MRAS: variants seen among roughly 807,000 people sequenced by gnomAD.
MRAS encodes muscle RAS oncogene homolog, also known as ras-related protein M-Ras.
Under a neutral mutation model 20.9 loss-of-function variants are expected in MRAS, and 4 were observed. The ratio of observed to expected loss-of-function variants is 0.19; its 90% CI spans 0.09 to 0.44. The LOEUF (loss-of-function observed/expected upper bound fraction) is 0.44, where lower values mean the gene tolerates loss of function less well. Among genes scored for constraint, MRAS ranks in the 20% least tolerant of loss-of-function variants. The pLI, the probability that MRAS is intolerant of heterozygous loss-of-function variation, is 0.99. For synonymous variants in MRAS, 98 were observed against 102.9 expected (o/e 0.95, Z 0.29); for missense variants, 154 against 277.5 (o/e 0.56, Z 3.16).
chr3:138,357,612 TTGA>T (rs2054362140), intron 1 of MRAS, among the ~76,000 whole-genome samples: 1 of 152,258 alleles, frequency 6.6e-6, no homozygotes, highest in Non-Finnish European at 1.5e-5. Context: ...TGCCCAAGTA[TTGA>T]TGACAGCCCT....
intron 1 of MRAS, among the ~76,000 whole-genome samples, chr3:138,356,379 A>AT (rs1292633580): frequency 6.6e-6 from 1 of 152,190 alleles, no homozygotes; most frequent in Non-Finnish European, 1.5e-5. Flanking sequence ...TCTCAAAAGC[A>AT]TTATGTATTC....
At chr3:138,368,676 A>C (rs2054614144) in intron 1 of MRAS, among the ~76,000 whole-genome samples, 2 of 152,174 alleles carry the variant, frequency 1.3e-5, no homozygotes, top group Admixed American at 6.5e-5. Flanking sequence ...TTAGTTGAGA[A>C]GGCTGGAAAG....
chr3:138,369,210 A>G (rs949536646), intron 1 of MRAS, among the ~76,000 whole-genome samples: 1 of 152,230 alleles, frequency 6.6e-6, no homozygotes, highest in African/African-American at 2.4e-5. Context: ...CCCTGTGCCA[A>G]TGCTGTGCCA....
In MRAS at chr3:138,398,722, A is replaced by G. The variant is rs13083299; in HGVS notation, c.447+154A>G. 24,701 of 202,476 alleles carry G rather than the reference A, an allele frequency of 0.12. 1,755 individuals are homozygous for G. The highest frequency in any genetic ancestry group is 0.15 in the Non-Finnish European group (17,407 of 114,028). 12.5% of individuals were successfully genotyped at this position (202,476 alleles called of 1,614,324 possible). ...GTTGCTACTGAAATCCTGCAATTCC[A>G]GGAATCCAGGTAATGCACATCAGTG... On this transcript the variant is annotated intron_variant, in intron 4 of 5. Transcript: ENST00000423968.
At chr3:138,400,920 T>C (rs909212024) in intron 5 of MRAS, among the ~76,000 whole-genome samples, 8 of 152,164 alleles carry the variant, frequency 5.3e-5, no homozygotes, top group African/African-American at 1.9e-4. Flanking sequence ...CTGGCTTCAG[T>C]GTTCTCCTCA....
intron 2 of MRAS, among the ~76,000 whole-genome samples, chr3:138,382,354 C>G (rs938464533): frequency 6.6e-6 from 1 of 152,248 alleles, no homozygotes; most frequent in Admixed American, 6.5e-5. Context: ...ACCAACCAGA[C>G]TTTTCTTGAA....
chr3:138,384,561 C>G (rs2054971207), intron 2 of MRAS, among the ~76,000 whole-genome samples: 1 of 152,106 alleles, frequency 6.6e-6, no homozygotes, highest in Non-Finnish European at 1.5e-5. Context: ...GAGGGGAAAT[C>G]AAGAGTCTAA....
chr3:138,364,444 CT>C (rs1233839441), intron 1 of MRAS, among the ~76,000 whole-genome samples: 1 of 152,234 alleles, frequency 6.6e-6, no homozygotes, highest in Non-Finnish European at 1.5e-5. Context: ...ACTGTCCCTA[CT>C]TTTACAGAAA....
intron 1 of MRAS, among the ~76,000 whole-genome samples, chr3:138,361,094 G>A (rs1010532859): frequency 1.3e-5 from 2 of 152,224 alleles, no homozygotes; most frequent in African/African-American, 4.8e-5. Context: ...CACCTGGTTG[G>A]CATTCCATAG....
At chr3:138,364,801 T>C (rs532232571) in intron 1 of MRAS, among the ~76,000 whole-genome samples, 18 of 152,234 alleles carry the variant, frequency 1.2e-4, no homozygotes, top group Non-Finnish European at 2.4e-4. Context: ...GTGTTTATTT[T>C]TGGTAACTAG....
At chr3:138,359,002 C>T (rs571466346) in intron 1 of MRAS, among the ~76,000 whole-genome samples, 1 of 152,270 alleles carries the variant, frequency 6.6e-6, no homozygotes, top group African/African-American at 2.4e-5. Flanking sequence ...CAAGGTTATA[C>T]AGCTAGCAGA....
chr3:138,385,044 G>A (rs1315211861), intron 2 of MRAS, among the ~76,000 whole-genome samples: 1 of 152,054 alleles, frequency 6.6e-6, no homozygotes, highest in African/African-American at 2.4e-5. Context: ...AAGTGGTGGA[G>A]AGGAGGAGCA....
chr3:138,357,004 A>G (rs1013484116), intron 1 of MRAS, among the ~76,000 whole-genome samples: 1 of 152,262 alleles, frequency 6.6e-6, no homozygotes, highest in African/African-American at 2.4e-5. Flanking sequence ...CAAAATAAAG[A>G]AACAAAGCCT....
At chr3:138,357,519 A>G (rs2054360039) in intron 1 of MRAS, among the ~76,000 whole-genome samples, 1 of 152,256 alleles carries the variant, frequency 6.6e-6, no homozygotes, top group Non-Finnish European at 1.5e-5. Flanking sequence ...GAAGAGGTAC[A>G]TCCCCCAGTA....
Position 138,404,576 on chromosome 3 carries a change from C to T in MRAS, c.*2307C>T, listed in dbSNP as rs2055422202. On this transcript the variant is annotated 3_prime_UTR_variant, in exon 6 of 6. Coordinates refer to ENST00000423968, the MANE Select transcript of MRAS (RefSeq NM_001085049.3). ...TGGCCCACGTTGAACTCCATGGTGC[C>T]TGAGAGAGACTAGTTAAGGGTTGGT... 1 of 152,224 alleles carries T rather than the reference C, an allele frequency of 6.6e-6. No homozygotes were observed. The highest frequency in any genetic ancestry group is 2.4e-5 in the African/African-American group (1 of 41,422). The allele number at this position is 152,224 out of a possible 1,614,324, so 9.4% of individuals were successfully genotyped here.
At chr3:138,370,056 A>G (rs1046075875) in intron 1 of MRAS, among the ~76,000 whole-genome samples, 1 of 152,216 alleles carries the variant, frequency 6.6e-6, no homozygotes, top group Admixed American at 6.5e-5. Flanking sequence ...ACGGTGGCTC[A>G]TGCCTGTAAT....
chr3:138,379,357 CTTTTTTTTTTTTTTT>C (rs35120152), intron 2 of MRAS, among the ~76,000 whole-genome samples: 1 of 77,598 alleles, frequency 1.3e-5, no homozygotes, highest in Admixed American at 1.8e-4. Context: ...GACAGAATGT[CTTTTTTTTTTTTTTT>C]TTTTTTTTTG....
rs1249928987 is a variant in MRAS, at chr3:138,402,685, T to G, written c.*416T>G. 6.1e-6 allele frequency: 1 copy of G among 164,428 alleles called. No individual in the cohort carries two copies. Among genetic ancestry groups the G allele is most frequent in the African/African-American group, 2.4e-5 (1 of 41,930 alleles). The allele number at this position is 164,428 out of a possible 1,614,324, so 10.2% of individuals were successfully genotyped here. A position where few individuals can be genotyped will look rare whatever the true frequency, so the allele number is the denominator to read the frequency against. On this transcript the variant is annotated 3_prime_UTR_variant, in exon 6 of 6. Transcript: ENST00000423968. ...ACCCCCCATCCACAATGTCTGAGCT[T>G]GGATGTCTTTTATAGATTTTTAAAT...
At chr3:138,356,997 A>G (rs1254140215) in intron 1 of MRAS, among the ~76,000 whole-genome samples, 1 of 152,260 alleles carries the variant, frequency 6.6e-6, no homozygotes, top group Non-Finnish European at 1.5e-5. Flanking sequence ...AGGAAATCAA[A>G]ATAAAGAAAC....
Sources: gnomAD v4.1 joint callset for allele counts (sites outside exome capture counted in the v4.1 genomes callset) on GRCh38, gnomAD v4.1.1 for gene constraint, MANE v1.5 for transcripts, NCBI Gene and HGNC (gene_info 2026-07-23, HGNC 2026-07-21) for gene names.